The following BLTP2 variants were observed in gnomAD, a reference collection of about 807,000 sequenced individuals.
BLTP2 encodes the protein bridge-like lipid transfer protein family member 2.
the BLTP2 span, chr17:28,633,761 A>G: frequency 1.2e-6 from 2 of 1,612,286 alleles, no homozygotes; most frequent in Non-Finnish European, 1.7e-6. Flanking sequence ...GCTGGGGTAG[A>G]GGAACAAAGG....
At chr17:28,625,473 A>G in the BLTP2 span, among the ~76,000 whole-genome samples, 1 of 152,088 alleles carries the variant, frequency 6.6e-6, no homozygotes, top group East Asian at 1.9e-4. Flanking sequence ...TTTAGACTCT[A>G]ATTTCCAGCT....
At chr17:28,620,158 T>C in the BLTP2 span, 1 of 746,326 alleles carries the variant, frequency 1.3e-6, no homozygotes, top group South Asian at 1.9e-5. Context: ...GCAACAGTAG[T>C]AGGTCAATGC....
chr17:28,615,214 T>G, the BLTP2 span: 21 of 1,613,842 alleles, frequency 1.3e-5, no homozygotes, highest in Non-Finnish European at 1.7e-5. Flanking sequence ...CAGAGCCTGT[T>G]GCAGACTTCA....
the BLTP2 span, chr17:28,620,675 T>G: frequency 6.2e-7 from 1 of 1,604,376 alleles, no homozygotes; most frequent in Non-Finnish European, 8.5e-7. Flanking sequence ...AGTTTCTACC[T>G]AAATATCTAC....
the BLTP2 span, chr17:28,624,175 G>C: frequency 6.4e-7 from 1 of 1,563,740 alleles, no homozygotes; most frequent in Non-Finnish European, 8.7e-7. Context: ...GTGGGGGAAG[G>C]GGAACAATAT....
the BLTP2 span, chr17:28,634,556 A>G: frequency 1.9e-6 from 3 of 1,613,914 alleles, no homozygotes; most frequent in Admixed American, 3.3e-5. Flanking sequence ...ATTCGACACC[A>G]CTGAATGACA....
the BLTP2 span, chr17:28,614,929 G>A: frequency 3.9e-6 from 3 of 773,520 alleles, no homozygotes; most frequent in South Asian, 5.1e-5. Flanking sequence ...GAACAGACCA[G>A]GTGCTGAAGA....
At chr17:28,633,489 T>C in the BLTP2 span, 2 of 1,588,386 alleles carry the variant, frequency 1.3e-6, no homozygotes, top group Non-Finnish European at 1.7e-6. Context: ...TTCCCACATG[T>C]GCTATACAGA....
chr17:28,640,286 G>T, the BLTP2 span: 1 of 495,322 alleles, frequency 2.0e-6, no homozygotes, highest in South Asian at 2.1e-5. Flanking sequence ...CCAGCTATTC[G>T]GGAGGCTGAG....
At chr17:28,615,961 G>T in the BLTP2 span, 1 of 1,000,034 alleles carries the variant, frequency 1.0e-6, no homozygotes, top group East Asian at 2.4e-5. Flanking sequence ...ACTCTTGAGG[G>T]GAGCAGAGGG....
At chr17:28,622,532 C>CCATG in the BLTP2 span, among the ~76,000 whole-genome samples, 1 of 152,172 alleles carries the variant, frequency 6.6e-6, no homozygotes, top group African/African-American at 2.4e-5. Flanking sequence ...AGGGGGTGTA[C>CCATG]CATGCCCAGT....
chr17:28,637,387 G>C, the BLTP2 span, among the ~76,000 whole-genome samples: 2 of 152,248 alleles, frequency 1.3e-5, no homozygotes, highest in Middle Eastern at 3.4e-3. Context: ...ATTGCACAGA[G>C]ACATACCATT....
the BLTP2 span, chr17:28,641,775 T>A: frequency 6.3e-6 from 6 of 955,278 alleles, no homozygotes; most frequent in East Asian, 1.2e-4. Context: ...AGGGTCAAAG[T>A]CCATGGTGAC....
the BLTP2 span, among the ~76,000 whole-genome samples, chr17:28,625,298 T>C: frequency 3.4e-5 from 4 of 117,220 alleles, no homozygotes; most frequent in East Asian, 7.6e-4. Flanking sequence ...ATTGCACCAC[T>C]GCACTCCAGC....
the BLTP2 span, chr17:28,639,387 G>C: frequency 2.5e-6 from 4 of 1,614,024 alleles, no homozygotes; most frequent in Non-Finnish European, 3.4e-6. Flanking sequence ...CAGCCAGTGA[G>C]AGAATTCCTG....
the BLTP2 span, chr17:28,644,870 A>C: frequency 1.5e-5 from 12 of 793,380 alleles, no homozygotes; most frequent in Non-Finnish European, 2.0e-5. Context: ...CCTCCACCCT[A>C]CCCACTCTGC....
chr17:28,616,741 G>A, the BLTP2 span: 1 of 1,614,166 alleles, frequency 6.2e-7, no homozygotes, highest in African/African-American at 1.3e-5. This position sits in a 1 kb window ranked among gnomAD's most constrained non-coding sequence, Gnocchi z 4.8. Flanking sequence ...ATGGTGAGAG[G>A]CACCACATTT....
the BLTP2 span, chr17:28,642,495 C>T: frequency 1.3e-5 from 8 of 635,726 alleles, no homozygotes; most frequent in South Asian, 1.5e-4. Flanking sequence ...ACTAAAAATA[C>T]AAAAAATTAG....
the BLTP2 span, chr17:28,642,602 G>A: frequency 1.8e-6 from 1 of 563,032 alleles, no homozygotes; most frequent in Admixed American, 3.1e-5. Flanking sequence ...AGTGAGCCAA[G>A]ACCGCACCAC....
Sources: allele counts gnomAD v4.1 joint callset (sites outside exome capture counted in the v4.1 genomes callset), GRCh38; gene constraint gnomAD v4.1.1; non-coding constraint Gnocchi (gnomAD v3.1); transcripts MANE v1.5; gene names NCBI Gene and HGNC (gene_info 2026-07-23, HGNC 2026-07-21).